The following PDZD2 variants were observed in gnomAD, a reference collection of about 807,000 sequenced individuals.
PDZD2 encodes the protein PDZ domain-containing protein 2.
A neutral mutation model predicts 220.7 loss-of-function variants in PDZD2; 90 were observed. The observed-to-expected ratio is 0.41, with a 90% CI of 0.34 to 0.49. The LOEUF is 0.49. Ranked by LOEUF, PDZD2 falls within the 20% of genes least tolerant of loss-of-function variation. PDZD2 has a pLI of 0.28. For synonymous variants in PDZD2, 1,375 were observed against 1,450.5 expected (o/e 0.95, Z 1.18); for missense variants, 3,174 against 3,608.5 (o/e 0.88, Z 3.08).
intron 5 of PDZD2, among the ~76,000 whole-genome samples, chr5:32,002,661 C>CACACACCACACACACACCA: frequency 7.7e-6 from 1 of 130,380 alleles, no homozygotes; most frequent in Non-Finnish European, 1.7e-5. Context: ...ACATACTACA[C>CACACACCACACACACACCA]ACACACACCA....
At position 32,059,312 on chromosome 5, in the gene PDZD2, C is replaced by T. The variant is rs759282796; in HGVS notation, c.2274C>T (p.His758=). 83 of 1,612,964 alleles carry T rather than the reference C, an allele frequency of 5.1e-5. No individual in the cohort carries two copies. Among genetic ancestry groups the T allele is most frequent in the South Asian group, 6.6e-5 (6 of 91,052 alleles). Residue 758 remains histidine (H), a synonymous_variant, in exon 13 of 25, where the codon CAC becomes CAT. Transcript: ENST00000438447. ...LENSPPGIYI[H]SLAPGSVAKM... ...ACAGTCCTCCTGGCATCTACATTCA[C>T]AGCCTTGCTCCAGGATCAGTGGCCA...
chr5:32,006,604 T>C (rs955937785), intron 5 of PDZD2, among the ~76,000 whole-genome samples: 2 of 151,790 alleles, frequency 1.3e-5, no homozygotes, highest in African/African-American at 4.8e-5. Flanking sequence ...CTCAAACTCC[T>C]GCCCTCAAGC....
chr5:31,998,241 T>C (rs1751797760), intron 4 of PDZD2, among the ~76,000 whole-genome samples: 1 of 152,166 alleles, frequency 6.6e-6, no homozygotes, highest in Admixed American at 6.5e-5. Flanking sequence ...GCTCCTGAGA[T>C]TCCAGCTTGT....
intron 2 of PDZD2, among the ~76,000 whole-genome samples, chr5:31,816,287 C>CAAAAAAAAAAAAA (rs34233316): frequency 6.1e-5 from 6 of 99,136 alleles, no homozygotes; most frequent in African/African-American, 1.3e-4. Context: ...GACTCCATCT[C>CAAAAAAAAAAAAA]AAAAAAAAAA....
chr5:31,749,084 C>CA (rs1750772134), intron 1 of PDZD2, among the ~76,000 whole-genome samples: 1 of 136,294 alleles, frequency 7.3e-6, no homozygotes, highest in Non-Finnish European at 1.6e-5. Flanking sequence ...CTCTCTATTT[C>CA]ATGGGGGGGG....
At position 32,054,312 on chromosome 5, in the gene PDZD2, CTTTT is replaced by C. The variant is rs57135705; in HGVS notation, c.1900+452_1900+455del. Among the ~76,000 whole-genome samples, 202 of 69,324 alleles carry C rather than the reference CTTTT, an allele frequency of 2.9e-3. 2 individuals are homozygous for C. The highest frequency in any genetic ancestry group is 4.1e-3 in the Admixed American group (19 of 4,580). The allele number at this position is 69,324 out of a possible 152,430, so 45.5% of individuals were successfully genotyped here. On this transcript the variant is annotated intron_variant, in intron 10 of 24. Coordinates refer to ENST00000438447, the MANE Select transcript of PDZD2 (RefSeq NM_178140.4). ...CATAGTCTGGTTCCTAAATGAACAT[CTTTT>C]TTTTTTTTTTTTTTTTTTTTTTAAT... is the stretch of plus-strand genomic sequence containing the variant.
chr5:32,107,891 A>AAAG (rs1407838355), intron 24 of PDZD2, 78 bp from the exon 25 acceptor site: 43 of 891,712 alleles, frequency 4.8e-5, no homozygotes, highest in South Asian at 7.7e-5. Context: ...TTATCACTTA[A>AAAG]AAGTTTTTAG....
At chr5:32,062,043 G>A (rs2112347795) in intron 14 of PDZD2, among the ~76,000 whole-genome samples, 1 of 152,298 alleles carries the variant, frequency 6.6e-6, no homozygotes, top group Middle Eastern at 3.4e-3. Context: ...TTAAAGGTGT[G>A]AGCCACCATG....
chr5:31,656,332 A>G (rs7719598), intron 1 of PDZD2, among the ~76,000 whole-genome samples: 97,120 of 151,990 alleles, frequency 0.64, 32,533 homozygotes, highest in Non-Finnish European at 0.75. Context: ...CCTCCCCCGG[A>G]ACACCTGGCA....
intron 1 of PDZD2, among the ~76,000 whole-genome samples, chr5:31,747,292 C>G (rs972798864): frequency 1.3e-5 from 2 of 152,062 alleles, no homozygotes; most frequent in Non-Finnish European, 2.9e-5. Context: ...CATGGATAGT[C>G]ATGGAGAAAT....
At position 31,949,097 on chromosome 5, in the gene PDZD2, C is replaced by CAAAAA. The variant is rs34780210; in HGVS notation, c.477-34036_477-34032dup. ...TGGGTGACAGAGTGAGACTCTGTCT[C>CAAAAA]AAAAAAAAAAAAAAAAAAAAAAAAA... On this transcript the variant is annotated intron_variant, in intron 2 of 24. Transcript: ENST00000438447. Among the ~76,000 whole-genome samples, 32 of 54,984 alleles carry CAAAAA rather than the reference C, an allele frequency of 5.8e-4. 2 individuals carry two copies. Among genetic ancestry groups the CAAAAA allele is most frequent in the Non-Finnish European group, 1.0e-3 (32 of 31,510 alleles). The allele number at this position is 54,984 out of a possible 152,430, so 36.1% of individuals were successfully genotyped here.
chr5:31,741,013 C>T (rs1000179202), intron 1 of PDZD2, among the ~76,000 whole-genome samples: 2 of 152,172 alleles, frequency 1.3e-5, no homozygotes, highest in Non-Finnish European at 2.9e-5. Context: ...TTCTTAGTGC[C>T]TCAAACTACA....
intron 1 of PDZD2, among the ~76,000 whole-genome samples, chr5:31,751,174 G>A (rs1373931332): frequency 6.6e-6 from 1 of 150,948 alleles, no homozygotes; most frequent in Non-Finnish European, 1.5e-5. Flanking sequence ...CCGGGAGGCG[G>A]AGATTGCAGT....
chr5:31,711,072 G>A (rs977065456), intron 1 of PDZD2, among the ~76,000 whole-genome samples: 2 of 152,194 alleles, frequency 1.3e-5, no homozygotes, highest in Admixed American at 6.5e-5. Context: ...GAGTCTCTCT[G>A]GGATGCCTCC....
chr5:31,884,931 C>T (rs1272865212), intron 2 of PDZD2, among the ~76,000 whole-genome samples: 2 of 152,114 alleles, frequency 1.3e-5, no homozygotes, highest in African/African-American at 4.8e-5. Flanking sequence ...GTATGAGCCA[C>T]TGTGCCTGGC....
intron 1 of PDZD2, among the ~76,000 whole-genome samples, chr5:31,752,088 T>TTTTTTTTTTTTC (rs1561431820): frequency 3.5e-5 from 5 of 141,022 alleles, no homozygotes; most frequent in African/African-American, 7.9e-5. Context: ...TTTTTTTTTT[T>TTTTTTTTTTTTC]TTCTGAGACA....
intron 24 of PDZD2, chr5:32,107,395 A>T (rs570124090): frequency 4.7e-5 from 7 of 150,532 alleles, no homozygotes; most frequent in African/African-American, 1.5e-4. Flanking sequence ...TCTCTACCAA[A>T]AATATAAAAA....
chr5:32,072,245 T>C lies in PDZD2; in HGVS notation c.2653T>C (p.Ser885Pro). 2 of 1,614,084 alleles carry C rather than the reference T, an allele frequency of 1.2e-6. No individual in the cohort carries two copies. Among genetic ancestry groups the C allele is most frequent in the Non-Finnish European group, 1.7e-6 (2 of 1,179,934 alleles). ...GPLSDFMVAGSEDEDHPGSGC... is the reference protein window; with the variant it reads ...GPLSDFMVAGPEDEDHPGSGC... Reference sequence around the variant, plus strand: ...CTTGTCAGACTTCATGGTGGCCGGTTCTGAGGACGAGGATCACCCGGGAAG... The same window carrying C: ...CTTGTCAGACTTCATGGTGGCCGGTCCTGAGGACGAGGATCACCCGGGAAG... Residue 885 changes from serine to proline, a missense_variant, in exon 17 of 25, where the codon TCT becomes CCT. By Grantham distance (74) the Ser-to-Pro change is moderately conservative. Transcript: ENST00000438447.
At chr5:31,722,140 C>T (rs1748845791) in intron 1 of PDZD2, among the ~76,000 whole-genome samples, 1 of 152,246 alleles carries the variant, frequency 6.6e-6, no homozygotes, top group African/African-American at 2.4e-5. Flanking sequence ...ACCGTTCTCA[C>T]TGTAGCCAAA....
Sources: gnomAD v4.1 joint callset for allele counts (sites outside exome capture counted in the v4.1 genomes callset) on GRCh38, gnomAD v4.1.1 for gene constraint, MANE v1.5 for transcripts, NCBI Gene and HGNC (gene_info 2026-07-23, HGNC 2026-07-21) for gene names.